AGBL4: variants seen among roughly 807,000 people sequenced by gnomAD.
AGBL4 encodes the protein cytosolic carboxypeptidase 6.
AGBL4 carries 58 observed loss-of-function variants against 66.4 expected under a neutral mutation model. The ratio of observed to expected loss-of-function variants is 0.87; its 90% CI spans 0.71 to 1.09. AGBL4 has a LOEUF of 1.09. AGBL4 is among the 50% of genes least tolerant of loss of function. AGBL4 has a pLI of 0.00. For missense variants in AGBL4, 579 were observed against 631.0 expected, an observed-to-expected ratio of 0.92 and a Z score of 0.88; for synonymous variants, 234 against 222.9, an observed-to-expected ratio of 1.05 and a Z score of -0.44.
chr1:49,404,139 A>G (rs1283542006), intron 3 of AGBL4, among the ~76,000 whole-genome samples: 1 of 152,122 alleles, frequency 6.6e-6, no homozygotes, highest in African/African-American at 2.4e-5. Context: ...CCATTCATAC[A>G]TTAAAGCCCC....
intron 4 of AGBL4, among the ~76,000 whole-genome samples, chr1:49,182,475 C>T (rs888244199): frequency 1.3e-5 from 2 of 152,142 alleles, no homozygotes; most frequent in Admixed American, 6.5e-5. Context: ...TGGTCTTTAG[C>T]CACTTAATCT....
chr1:49,130,260 G>C (rs1645861697), intron 4 of AGBL4, among the ~76,000 whole-genome samples: 1 of 152,050 alleles, frequency 6.6e-6, no homozygotes, highest in South Asian at 2.1e-4. Context: ...CCATTTTGTA[G>C]GTTGCCTGTT....
chr1:49,312,334 C>CAG lies in AGBL4; in HGVS notation c.283-66472_283-66471dup, dbSNP rs574719930. 4.5e-3 allele frequency among the ~76,000 whole-genome samples: 682 copies of CAG among 152,174 alleles called. 7 individuals are homozygous for CAG. The highest frequency in any genetic ancestry group is 8.4e-3 in the Non-Finnish European group (568 of 67,976). On this transcript the variant is annotated intron_variant, in intron 3 of 13. Coordinates refer to ENST00000371839, the MANE Select transcript of AGBL4 (RefSeq NM_032785.4). ...CAAGGTGTCACTTTGGAAGCAAAGA[C>CAG]AGAGTCCTTATCAGACACTGAACCT... is the stretch of plus-strand genomic sequence containing the variant.
At chr1:48,661,074 G>A (rs1442927409) in intron 7 of AGBL4, among the ~76,000 whole-genome samples, 1 of 152,070 alleles carries the variant, frequency 6.6e-6, no homozygotes, top group Non-Finnish European at 1.5e-5. Context: ...GAAAATGACA[G>A]TTGGAGACCA....
chr1:49,170,592 CAT>C (rs1646720841), intron 4 of AGBL4, among the ~76,000 whole-genome samples: 1 of 145,722 alleles, frequency 6.9e-6, no homozygotes, highest in East Asian at 2.0e-4. Context: ...TATACATAAA[CAT>C]AAACATTTAT....
chr1:49,057,230 G>A (rs1644323751), intron 4 of AGBL4, among the ~76,000 whole-genome samples: 1 of 151,964 alleles, frequency 6.6e-6, no homozygotes, highest in Non-Finnish European at 1.5e-5. Context: ...GCAAAATCCT[G>A]TCTCTACCAA....
intron 1 of AGBL4, among the ~76,000 whole-genome samples, chr1:49,932,226 A>C (rs904935771): frequency 1.3e-5 from 2 of 152,218 alleles, no homozygotes; most frequent in Admixed American, 1.3e-4. Context: ...GATTTTCAGC[A>C]ATGATGCAAA....
At chr1:49,480,355 T>C (rs1404654684) in intron 3 of AGBL4, among the ~76,000 whole-genome samples, 4 of 152,098 alleles carry the variant, frequency 2.6e-5, no homozygotes, top group Non-Finnish European at 4.4e-5. Context: ...GGTATCTCAT[T>C]GTGGTTTTGA....
At chr1:48,899,812 C>G (rs1202430171) in intron 5 of AGBL4, among the ~76,000 whole-genome samples, 2 of 152,182 alleles carry the variant, frequency 1.3e-5, no homozygotes, top group East Asian at 3.8e-4. Context: ...AGAAAACAGA[C>G]ACAGATTCTG....
intron 2 of AGBL4, among the ~76,000 whole-genome samples, chr1:49,720,858 T>A (rs911701112): frequency 6.6e-6 from 1 of 151,898 alleles, no homozygotes; most frequent in African/African-American, 2.4e-5. Flanking sequence ...TTGCAAAGAG[T>A]TAACAGAAGT....
chr1:48,546,860 AACAAACACACAC>A (rs991795993), intron 11 of AGBL4, among the ~76,000 whole-genome samples: 1 of 42,874 alleles, frequency 2.3e-5, no homozygotes, highest in Non-Finnish European at 4.3e-5. Context: ...TAGTAAAACA[AACAAACACACAC>A]ACACACACAC....
rs150244214 is a variant in AGBL4, at chr1:49,328,791, A to T, written c.283-82927T>A. On this transcript the variant is annotated intron_variant, in intron 3 of 13. Coordinates refer to ENST00000371839, the MANE Select transcript of AGBL4 (RefSeq NM_032785.4). The stretch of plus-strand genomic sequence containing the variant: ...GCCATTCACCCTCCCCAACAAACCA[A>T]CTCCTGTTATCCCATCTCAATATTC... Among the ~76,000 whole-genome samples the T allele has an allele frequency of 3.8e-3, 575 of 150,390 alleles. 2 individuals are homozygous for T. Among genetic ancestry groups the T allele is most frequent in the Non-Finnish European group, 6.9e-3 (467 of 67,446 alleles).
intron 4 of AGBL4, among the ~76,000 whole-genome samples, chr1:49,229,635 T>C (rs61783583): frequency 0.34 from 51,073 of 152,106 alleles, 9,093 homozygotes; most frequent in East Asian, 0.72. Flanking sequence ...ATTCCTTGAT[T>C]GAATTCAAAA....
At chr1:49,091,418 A>G (rs1264587983) in intron 4 of AGBL4, among the ~76,000 whole-genome samples, 1 of 152,090 alleles carries the variant, frequency 6.6e-6, no homozygotes, top group Non-Finnish European at 1.5e-5. Context: ...TGGGCAAAGG[A>G]CATGAAGAAG....
intron 3 of AGBL4, among the ~76,000 whole-genome samples, chr1:49,248,109 C>T (rs184797326): frequency 1.9e-3 from 289 of 152,232 alleles, no homozygotes; most frequent in Non-Finnish European, 3.0e-3. Context: ...AAGCAGACAG[C>T]GCAGGAAACC....
intron 5 of AGBL4, among the ~76,000 whole-genome samples, chr1:48,960,787 C>T (rs10888637): frequency 0.17 from 26,453 of 152,198 alleles, 4,545 homozygotes; most frequent in African/African-American, 0.44. Context: ...GGCTCAAACC[C>T]ATTAGCTGCT....
At chr1:49,513,126 C>T (rs1649430007) in intron 3 of AGBL4, among the ~76,000 whole-genome samples, 2 of 152,018 alleles carry the variant, frequency 1.3e-5, no homozygotes, top group Non-Finnish European at 2.9e-5. Context: ...GGAAAATGAA[C>T]CTCTATCTTT....
chr1:49,006,135 G>A (rs1661776783), intron 5 of AGBL4, among the ~76,000 whole-genome samples: 2 of 152,328 alleles, frequency 1.3e-5, no homozygotes, highest in South Asian at 4.1e-4. Flanking sequence ...TCACTAGGGA[G>A]TGCCAGACAG....
At chr1:49,556,580 C>A (rs977551393) in intron 3 of AGBL4, among the ~76,000 whole-genome samples, 8 of 151,718 alleles carry the variant, frequency 5.3e-5, no homozygotes, top group Non-Finnish European at 1.2e-4. Context: ...GGTGCATTTA[C>A]AAACCTTTAT....
Sources: gnomAD v4.1 joint callset for allele counts (sites outside exome capture counted in the v4.1 genomes callset) on GRCh38, gnomAD v4.1.1 for gene constraint, MANE v1.5 for transcripts, NCBI Gene and HGNC (gene_info 2026-07-23, HGNC 2026-07-21) for gene names.